The following SARDH variants were observed in gnomAD, a reference collection of about 807,000 sequenced individuals.
SARDH encodes sarcosine dehydrogenase.
SARDH carries 95 observed loss-of-function variants against 109.1 expected under a neutral mutation model. The ratio of observed to expected loss-of-function variants is 0.87; its 90% CI spans 0.74 to 1.03. The LOEUF (loss-of-function observed/expected upper bound fraction) is 1.03. SARDH is among the 50% of genes least tolerant of loss of function. The pLI is 0.00. For synonymous variants in SARDH, 572 were observed against 534.8 expected, an observed-to-expected ratio of 1.07 and a Z score of -0.96; for missense variants, 1,267 against 1,287.8, an observed-to-expected ratio of 0.98 and a Z score of 0.25.
chr9:133,723,157 T>A (rs1446059396), intron 6 of SARDH, among the ~76,000 whole-genome samples: 2 of 152,094 alleles, frequency 1.3e-5, no homozygotes, highest in Non-Finnish European at 2.9e-5. Flanking sequence ...TAGAAGGACA[T>A]CTCACGTTCA....
intron 19 of SARDH, chr9:133,667,115 T>G (rs1588367821): frequency 5.0e-6 from 3 of 594,916 alleles, no homozygotes; most frequent in Non-Finnish European, 8.9e-6. Flanking sequence ...AGGAGTGGAC[T>G]TTGCTGTTTC....
chr9:133,676,348 G>A lies in SARDH; in HGVS notation c.2164-4651C>T, dbSNP rs1230452794. On this transcript the variant is annotated intron_variant, in intron 17 of 20. Coordinates refer to ENST00000439388, the MANE Select transcript of SARDH (RefSeq NM_001134707.2). ...CATCAAGAGCAGAATGGAGGGCACAGGGGCTGGGGAGAGGGAAAGGGAATT... is the reference window on the plus strand; with the variant it reads ...CATCAAGAGCAGAATGGAGGGCACAAGGGCTGGGGAGAGGGAAAGGGAATT... 5.9e-5 allele frequency among the ~76,000 whole-genome samples: 9 copies of A among 152,344 alleles called. No individual in the cohort carries two copies. In the East Asian group the frequency reaches 1.3e-3, roughly 23 times the overall value.
chr9:133,677,796 G>C (rs1401880421), intron 17 of SARDH, among the ~76,000 whole-genome samples: 1 of 152,236 alleles, frequency 6.6e-6, no homozygotes, highest in Non-Finnish European at 1.5e-5. Flanking sequence ...TGGACAAGAG[G>C]GGAATGATTC....
At position 133,671,653 on chromosome 9, in the gene SARDH, C is replaced by G; in HGVS notation, c.2208G>C (p.Glu736Asp). The G allele has an allele frequency of 3.1e-6, 5 of 1,593,330 alleles. No individual in the cohort carries two copies. Among genetic ancestry groups the G allele is most frequent in the Non-Finnish European group, 4.3e-6 (5 of 1,170,312 alleles). The change falls in exon 18 of 21, where the codon GAG becomes GAC. Residue 736 changes from glutamate (E) to aspartate (D), a missense_variant. Physicochemically the swap from Glu to Asp is conservative, Grantham distance 45. Coordinates refer to ENST00000439388, the MANE Select transcript of SARDH (RefSeq NM_001134707.2). ...RLSFVGELGW[E>D]LHIPKASCVP... ...CGCAGGACGCCTTTGGAATGTGCAG[C>G]TCCCAGCCCAGCTCCCCCACAAAGG...
rs766921026 is a variant in SARDH at position 133,702,971 on chromosome 9, T to TC, written c.1612_1613insG (p.Tyr538Ter). The change falls in exon 13 of 21, where the codon TAC becomes TGAC. Residue 538 changes from tyrosine to a stop codon, truncating the protein, a stop_gained and frameshift_variant. Transcript: ENST00000439388. LOFTEE classifies it high-confidence loss of function. ...YGSRAHEDYA[Y>*]RRLLADEYTF... ...GTACTCGTCTGCCAGCAGCCTGCGG[T>TC]AGGCGTAGTCCTCGTGCGCGCGGCT... 157 of 1,613,424 alleles carry TC rather than the reference T, an allele frequency of 9.7e-5. No individual in the cohort carries two copies. The highest frequency in any genetic ancestry group is 7.6e-6 in the Non-Finnish European group (9 of 1,179,958).
rs1273484343 is a variant in SARDH at position 133,718,485 on chromosome 9, G to C, written c.1020+453C>G. On this transcript the variant is annotated intron_variant, in intron 7 of 20. Transcript: ENST00000439388. This position sits in a 1 kb window ranked among gnomAD's most constrained non-coding sequence, Gnocchi z 4.2. ...TTAAAGCAGTTTTTAGCCCAAAGTA[G>C]CCACTCAGTCGTTCCATGTGTGGAC... 1.9e-6 allele frequency: 1 copy of C among 518,124 alleles called. No individual in the cohort carries two copies. Among genetic ancestry groups the C allele is most frequent in the Non-Finnish European group, 3.4e-6 (1 of 292,862 alleles). 32.1% of individuals were successfully genotyped at this position (518,124 alleles called of 1,614,324 possible).
intron 3 of SARDH, 46 bp downstream of exon 3, chr9:133,732,377 C>T (rs753344270): frequency 2.3e-5 from 12 of 517,402 alleles, no homozygotes; most frequent in South Asian, 1.9e-4. Context: ...GGAGTGCACC[C>T]ACCCACCCAA....
At chr9:133,732,382 A>ACC in intron 3 of SARDH, 41 bp downstream of exon 3, 1 of 291,660 alleles carries the variant, frequency 3.4e-6, no homozygotes, top group Non-Finnish European at 6.0e-6. Flanking sequence ...GCACCCACCC[A>ACC]CCCAAGCCCC....
chr9:133,735,473 G>A lies in SARDH; in HGVS notation c.-30-1270C>T, dbSNP rs1832852408. On this transcript the variant is annotated intron_variant, in intron 1 of 20. Transcript: ENST00000439388. Reference sequence around the variant, plus strand: ...TCTCAGGAGAGAAGGCGCTGATGAAGACGGATGTCTCCTTGGGTGCAGGCG... The same window carrying A: ...TCTCAGGAGAGAAGGCGCTGATGAAAACGGATGTCTCCTTGGGTGCAGGCG... Among the ~76,000 whole-genome samples the A allele has an allele frequency of 2.0e-5, 3 of 152,222 alleles. No homozygotes were observed. The South Asian group carries it at 6.2e-4, about 32-fold the overall frequency.
chr9:133,720,200 G>A (rs1383282215), intron 6 of SARDH, among the ~76,000 whole-genome samples: 1 of 152,026 alleles, frequency 6.6e-6, no homozygotes, highest in Non-Finnish European at 1.5e-5. Flanking sequence ...GCCGACATGG[G>A]TGAATCACCT....
At chr9:133,724,469 A>C (rs1336638891) in intron 6 of SARDH, among the ~76,000 whole-genome samples, 1 of 152,188 alleles carries the variant, frequency 6.6e-6, no homozygotes, top group African/African-American at 2.4e-5. Context: ...ACACCACCTC[A>C]CACCTTCTAG....
At chr9:133,739,931 C>G (rs1236518574), upstream of SARDH, 1 of 152,304 alleles carries the variant, frequency 6.6e-6, no homozygotes, top group African/African-American at 2.4e-5. Flanking sequence ...TCTCCTGTCC[C>G]TGCACTCAAA....
chr9:133,689,312 C>A (rs1365415622), intron 16 of SARDH, among the ~76,000 whole-genome samples: 1 of 152,092 alleles, frequency 6.6e-6, no homozygotes, highest in African/African-American at 2.4e-5. Flanking sequence ...TCTCGTGCCT[C>A]TTCCTCCTGC....
intron 10 of SARDH, 150 bp from the exon 11 acceptor site, chr9:133,708,578 GC>G: frequency 1.9e-6 from 2 of 1,049,914 alleles, no homozygotes; most frequent in Non-Finnish European, 2.6e-6. Flanking sequence ...CTCTCCATTC[GC>G]CCCACCCTTG....
intron 11 of SARDH, among the ~76,000 whole-genome samples, chr9:133,707,560 G>A (rs1012755188): frequency 2.0e-5 from 3 of 152,106 alleles, no homozygotes; most frequent in African/African-American, 4.8e-5. Context: ...CAGTTTAAAC[G>A]CCACCTGCTC....
intron 11 of SARDH, among the ~76,000 whole-genome samples, chr9:133,707,114 A>G (rs918262015): frequency 6.6e-6 from 1 of 152,214 alleles, no homozygotes; most frequent in Non-Finnish European, 1.5e-5. Context: ...AACAAACTTA[A>G]GCGGCTGTCA....
intron 11 of SARDH, among the ~76,000 whole-genome samples, chr9:133,707,947 A>G (rs1831755875): frequency 6.6e-6 from 1 of 152,094 alleles, no homozygotes; most frequent in Admixed American, 6.5e-5. Context: ...ACGTGGCTGC[A>G]TACACCCACC....
chr9:133,676,052 C>T (rs1830499521), intron 17 of SARDH, among the ~76,000 whole-genome samples: 1 of 151,930 alleles, frequency 6.6e-6, no homozygotes, highest in Non-Finnish European at 1.5e-5. Context: ...GATCGCACCG[C>T]TGCACTCCAG....
At position 133,717,547 on chromosome 9, in the gene SARDH, G is replaced by A. The variant is rs1023741422; in HGVS notation, c.1021-92C>T. The A allele has an allele frequency of 1.2e-5, 18 of 1,536,216 alleles. No individual in the cohort carries two copies. In the African/African-American group the frequency reaches 2.3e-4, roughly 20 times the overall value. On this transcript the variant is annotated intron_variant, in intron 7 of 20. Transcript: ENST00000439388. The stretch of plus-strand genomic sequence containing the variant: ...CTGCCTTGTGATGGCTGCCAGGCCA[G>A]CCTCTGCTGAATCAGATGCATTAGA...
Sources: allele counts gnomAD v4.1 joint callset (sites outside exome capture counted in the v4.1 genomes callset), GRCh38; gene constraint gnomAD v4.1.1; non-coding constraint Gnocchi (gnomAD v3.1); transcripts MANE v1.5; gene names NCBI Gene and HGNC (gene_info 2026-07-23, HGNC 2026-07-21).